The following ZIM2 variants were observed in gnomAD, a reference collection of about 807,000 sequenced individuals.
The protein encoded by ZIM2 is zinc finger protein 656.
Under a neutral mutation model 38.6 loss-of-function variants are expected in ZIM2, and 14 were observed. The ratio of observed to expected loss-of-function variants is 0.36; its 90% CI spans 0.24 to 0.57. The LOEUF (loss-of-function observed/expected upper bound fraction) is 0.57. Ranked by LOEUF, ZIM2 falls within the 20% of genes least tolerant of loss-of-function variation. The probability of loss-of-function intolerance (pLI) is 0.81; values close to 1 mark genes in which losing one functional copy is unlikely to be tolerated. For missense variants in ZIM2, 680 were observed against 695.1 expected (o/e 0.98, Z 0.24); for synonymous variants, 247 against 245.8 (o/e 1.00, Z -0.04).
At chr19:56,824,092 A>G (rs1440176156) in intron 4 of ZIM2, among the ~76,000 whole-genome samples, 170 bp downstream of exon 4, 3 of 152,110 alleles carry the variant, frequency 2.0e-5, no homozygotes, top group Non-Finnish European at 4.4e-5. Context: ...TGGTGGCCAC[A>G]CCCAGAAAAT....
At chr19:56,798,848 C>T (rs989680932) in intron 9 of ZIM2, 1 of 152,068 alleles carries the variant, frequency 6.6e-6, no homozygotes, top group African/African-American at 2.4e-5. Flanking sequence ...GGGCAATGAA[C>T]ATTTTTTTTA....
At chr19:56,810,293 T>C (rs2048035149) in intron 9 of ZIM2, 2 of 973,802 alleles carry the variant, frequency 2.1e-6, no homozygotes, top group South Asian at 4.8e-5. Context: ...TCATATATAA[T>C]GGAAATATAT....
intron 9 of ZIM2, among the ~76,000 whole-genome samples, chr19:56,804,426 G>C (rs2047663929): frequency 6.6e-6 from 1 of 152,202 alleles, no homozygotes; most frequent in Non-Finnish European, 1.5e-5. Flanking sequence ...TCAAAGCCTA[G>C]AAACAAGATA....
chr19:56,813,464 T>A (rs1056910323), intron 9 of ZIM2: 2 of 1,390,108 alleles, frequency 1.4e-6, no homozygotes. Flanking sequence ...CTTTCCCACA[T>A]GCAGACACTG....
chr19:56,819,654 CCTTT>C (rs897646981), intron 7 of ZIM2, among the ~76,000 whole-genome samples: 3 of 152,152 alleles, frequency 2.0e-5, no homozygotes, highest in African/African-American at 4.8e-5. Flanking sequence ...TCTTTTTGAA[CCTTT>C]CTTTCAGGTT....
rs757551522 is a variant in ZIM2, at chr19:56,781,940, A to G, written c.739+13T>C. On this transcript the variant is annotated intron_variant, in intron 11 of 12. Coordinates refer to ENST00000629319, the MANE Select transcript of ZIM2 (RefSeq NM_001387356.1). ...TGGGAAGAAACCAAGTCCTGTGGAG[A>G]AGGCATACTTACCCAGGGAGACCAG... 5.0e-6 allele frequency: 8 copies of G among 1,611,790 alleles called. No homozygotes were observed. In the African/African-American group the frequency reaches 1.1e-4, roughly 22 times the overall value.
At position 56,782,094 on chromosome 19, in the gene ZIM2, A is replaced by G. The variant is rs563408911; in HGVS notation, c.598T>C (p.Phe200Leu). ...GTCACCAACTCCTCAAACACCAGAA[A>G]TGTTCCTAAGTGTTTGAAGTCCGGG... is the stretch of plus-strand genomic sequence containing the variant. ...QFPDFKHLGT[F>L]LVFEELVTFE... The change falls in exon 11 of 13, where the codon TTT becomes CTT. Residue 200 changes from phenylalanine (F) to leucine (L), a missense_variant. Coordinates refer to ENST00000629319, the MANE Select transcript of ZIM2 (RefSeq NM_001387356.1). The G allele has an allele frequency of 1.2e-6, 2 of 1,613,906 alleles. No homozygotes were observed. Among genetic ancestry groups the G allele is most frequent in the East Asian group, 2.2e-5 (1 of 44,872 alleles).
At chr19:56,793,579 C>T (rs566333737) in intron 9 of ZIM2, among the ~76,000 whole-genome samples, 5 of 152,246 alleles carry the variant, frequency 3.3e-5, no homozygotes, top group Non-Finnish European at 7.4e-5. Flanking sequence ...CAAAAGATGA[C>T]AGCTATAAAT....
intron 10 of ZIM2, among the ~76,000 whole-genome samples, chr19:56,786,826 TTTTGTTTTGTTTTTCTTG>T (rs1256464618): frequency 2.0e-5 from 3 of 151,996 alleles, no homozygotes; most frequent in African/African-American, 7.3e-5. Flanking sequence ...TTGTTTTTTG[TTTTGTTTTGTTTTTCTTG>T]TTTGTTTTTT....
Position 56,814,769 on chromosome 19 carries a change from T to C in ZIM2, c.490+2977A>G. The C allele has an allele frequency of 6.2e-7, 1 of 1,614,180 alleles. No individual in the cohort carries two copies. Among genetic ancestry groups the C allele is most frequent in the Non-Finnish European group, 8.5e-7 (1 of 1,180,042 alleles). ...CCTTGTCCACACAAAAGGCATCGAA[T>C]GGCCGACCCAGCAAGAGCAGGATTC... On this transcript the variant is annotated intron_variant, in intron 9 of 12. Coordinates refer to ENST00000629319, the MANE Select transcript of ZIM2 (RefSeq NM_001387356.1). This position sits in a 1 kb window ranked among gnomAD's most constrained non-coding sequence, Gnocchi z 5.8.
At chr19:56,793,012 C>T (rs2047020068) in intron 9 of ZIM2, 4 of 152,762 alleles carry the variant, frequency 2.6e-5, no homozygotes, top group Admixed American at 2.6e-4. Flanking sequence ...TTCCTTCTCA[C>T]ATGCCTGAAT....
chr19:56,823,335 G>C (rs2060686403), intron 5 of ZIM2, among the ~76,000 whole-genome samples: 1 of 152,218 alleles, frequency 6.6e-6, no homozygotes, highest in Non-Finnish European at 1.5e-5. Context: ...GCTGGAAGCA[G>C]CCTGTTGCAA....
At chr19:56,823,555 C>T in intron 5 of ZIM2, 35 bp downstream of exon 5, 1 of 1,612,680 alleles carries the variant, frequency 6.2e-7, no homozygotes, top group Non-Finnish European at 8.5e-7. Flanking sequence ...CTGGCAGCGC[C>T]TGCCCATGGG....
At chr19:56,820,413 A>C (rs917839286) in intron 7 of ZIM2, among the ~76,000 whole-genome samples, 1 of 152,208 alleles carries the variant, frequency 6.6e-6, no homozygotes, top group Non-Finnish European at 1.5e-5. Flanking sequence ...AATTCTTCAC[A>C]CATTGTCAAG....
intron 2 of ZIM2, among the ~76,000 whole-genome samples, chr19:56,829,043 GA>G (rs1250305718): frequency 6.6e-6 from 1 of 151,836 alleles, no homozygotes; most frequent in Non-Finnish European, 1.5e-5. Context: ...ATGATAATAA[GA>G]AAAAAAAGCT....
In ZIM2 at chr19:56,836,089, G is replaced by A. The variant is rs1287030259; in HGVS notation, c.-298C>T. The stretch of plus-strand genomic sequence containing the variant: ...CCAGTCGTCTCCAAGAAGGACGGAA[G>A]ATCAAGAAGGCAAAGCTGTAGAGGA... On this transcript the variant is annotated 5_prime_UTR_variant, in exon 2 of 13. Coordinates refer to ENST00000629319, the MANE Select transcript of ZIM2 (RefSeq NM_001387356.1). 2.0e-6 allele frequency: 1 copy of A among 492,554 alleles called. No homozygotes were observed. 30.5% of individuals were successfully genotyped at this position (492,554 alleles called of 1,614,324 possible).
chr19:56,823,612 A>C lies in ZIM2; in HGVS notation c.84T>G (p.Pro28=). The change falls in exon 5 of 13, where the codon CCT becomes CCG. Residue 28 remains proline (P), a synonymous_variant. Coordinates refer to ENST00000629319, the MANE Select transcript of ZIM2 (RefSeq NM_001387356.1). ...CACCACTGAAAGAATGGACTGAGTG[A>C]GGTGGTGAGGACTCTCTTCTGTTCC... ...MTRNRRESSP[P]HSVHSFSGDR... is the part of the protein sequence containing the mutation. 1 of 1,614,076 alleles carries C rather than the reference A, an allele frequency of 6.2e-7. No homozygotes were observed. Among genetic ancestry groups the C allele is most frequent in the East Asian group, 2.2e-5 (1 of 44,858 alleles).
intron 1 of ZIM2, among the ~76,000 whole-genome samples, chr19:56,838,772 C>T (rs2062535647): frequency 6.6e-6 from 1 of 152,230 alleles, no homozygotes; most frequent in South Asian, 2.1e-4. Context: ...TGGCGACCAG[C>T]ACACACAGCC....
intron 1 of ZIM2, among the ~76,000 whole-genome samples, chr19:56,838,994 C>G (rs2146734408): frequency 6.6e-6 from 1 of 152,286 alleles, no homozygotes; most frequent in South Asian, 2.1e-4. Context: ...GCATCTGCCG[C>G]CAACCAATCC....
Sources: allele counts gnomAD v4.1 joint callset (sites outside exome capture counted in the v4.1 genomes callset), GRCh38; gene constraint gnomAD v4.1.1; non-coding constraint Gnocchi (gnomAD v3.1); transcripts MANE v1.5; gene names NCBI Gene and HGNC (gene_info 2026-07-23, HGNC 2026-07-21).